NCKAP1: variants seen among roughly 807,000 people sequenced by gnomAD.
NCKAP1 encodes the protein NCK associated protein 1.
A neutral mutation model predicts 151.2 loss-of-function variants in NCKAP1; 21 were observed. The ratio of observed to expected loss-of-function variants is 0.14; its 90% CI spans 0.10 to 0.20. The LOEUF is 0.20. Among genes scored for constraint, NCKAP1 ranks in the 10% least tolerant of loss-of-function variants. NCKAP1 has a pLI of 1.00. For synonymous variants in NCKAP1, 484 were observed against 451.8 expected (o/e 1.07, Z -0.90); for missense variants, 933 against 1,352.1 (o/e 0.69, Z 4.86).
intron 23 of NCKAP1, among the ~76,000 whole-genome samples, chr2:182,946,036 T>A (rs1335760826): frequency 2.6e-5 from 4 of 152,154 alleles, no homozygotes; most frequent in Non-Finnish European, 5.9e-5. Flanking sequence ...GAGACCATTA[T>A]CCTAAGGGAA....
chr2:182,978,949 T>C (rs1235049243), intron 13 of NCKAP1, 34 bp from the exon 14 acceptor site: 1 of 1,495,482 alleles, frequency 6.7e-7, no homozygotes, highest in African/African-American at 1.4e-5. Flanking sequence ...GTTAAAAACA[T>C]CTATAGTTGG....
Position 183,002,162 on chromosome 2 carries a change from T to C in NCKAP1, c.477A>G (p.Leu159=). The change falls in exon 5 of 31, where the codon TTA becomes TTG. Residue 159 remains leucine, a synonymous_variant. Coordinates refer to ENST00000361354, the MANE Select transcript of NCKAP1 (RefSeq NM_013436.5). Reference sequence around the variant, plus strand: ...GAGTCATTTCATGGGCATAGTTGTATAATCCAATGATTGCCTTCCTTTCTT... The same window carrying C: ...GAGTCATTTCATGGGCATAGTTGTACAATCCAATGATTGCCTTCCTTTCTT... ...RIEERKAIIG[L]YNYAHEMTHG... 1 of 1,613,044 alleles carries C rather than the reference T, an allele frequency of 6.2e-7. No individual in the cohort carries two copies. The highest frequency in any genetic ancestry group is 8.5e-7 in the Non-Finnish European group (1 of 1,179,162).
At chr2:182,960,367 C>T (rs1178859133) in intron 18 of NCKAP1, among the ~76,000 whole-genome samples, 4 of 152,180 alleles carry the variant, frequency 2.6e-5, no homozygotes, top group Non-Finnish European at 4.4e-5. Context: ...CAGCATGGTA[C>T]TGGTACCAAA....
At chr2:182,937,409 G>A (rs912096101) in intron 24 of NCKAP1, among the ~76,000 whole-genome samples, 1 of 152,114 alleles carries the variant, frequency 6.6e-6, no homozygotes, top group Non-Finnish European at 1.5e-5. Context: ...AACTTCCCAA[G>A]GAACTAACTC....
intron 13 of NCKAP1, among the ~76,000 whole-genome samples, chr2:182,979,526 G>A (rs1473208143): frequency 1.3e-5 from 2 of 151,998 alleles, no homozygotes; most frequent in Non-Finnish European, 2.9e-5. Flanking sequence ...CTTACAAACA[G>A]TATAAATAAA....
At chr2:182,981,679 C>A (rs932277284) in intron 12 of NCKAP1, among the ~76,000 whole-genome samples, 1 of 151,852 alleles carries the variant, frequency 6.6e-6, no homozygotes, top group African/African-American at 2.4e-5. Context: ...GAGGCCAAAG[C>A]GGGCTGATCA....
At chr2:182,956,796 T>C (rs1697337255) in intron 19 of NCKAP1, 1 of 486,012 alleles carries the variant, frequency 2.1e-6, no homozygotes, top group Non-Finnish European at 3.5e-6. Context: ...CATTTGTTTC[T>C]ACCTTTAGGT....
rs556158085 is a variant in NCKAP1 at position 183,014,625 on chromosome 2, G to A, written c.219+9181C>T. ...TATTCTTGGCCAAGATGAGTACTAC[G>A]AAGAATAAAAGAAAGTAAGTACTCT... On this transcript the variant is annotated intron_variant, in intron 2 of 30. Coordinates refer to ENST00000361354, the MANE Select transcript of NCKAP1 (RefSeq NM_013436.5). 5.5e-4 allele frequency among the ~76,000 whole-genome samples: 84 copies of A among 152,180 alleles called. 2 individuals are homozygous for A. The South Asian group carries it at 0.014, about 26-fold the overall frequency.
chr2:182,929,508 C>A (rs963659819), intron 27 of NCKAP1, among the ~76,000 whole-genome samples: 1 of 151,848 alleles, frequency 6.6e-6, no homozygotes, highest in Non-Finnish European at 1.5e-5. Flanking sequence ...CCCAGCATTG[C>A]TCTAAAGCTT....
chr2:182,985,915 T>C (rs1213957340), intron 10 of NCKAP1, among the ~76,000 whole-genome samples: 1 of 152,300 alleles, frequency 6.6e-6, no homozygotes, highest in East Asian at 1.9e-4. Context: ...AGTGAGATTA[T>C]ACCCAAAGTA....
At chr2:182,936,985 C>G (rs142480956) in intron 24 of NCKAP1, among the ~76,000 whole-genome samples, 2 of 151,624 alleles carry the variant, frequency 1.3e-5, no homozygotes, top group Admixed American at 6.6e-5. Flanking sequence ...CCTGGTGGCA[C>G]GTGCTTGTAG....
At chr2:182,977,011 A>G in intron 14 of NCKAP1, 60 bp from the exon 15 acceptor site, 1 of 1,205,080 alleles carries the variant, frequency 8.3e-7, no homozygotes, top group South Asian at 1.6e-5. Context: ...ACAATCTATA[A>G]GCACATTTTA....
chr2:182,987,348 T>C (rs1698077421), intron 9 of NCKAP1, among the ~76,000 whole-genome samples: 1 of 152,196 alleles, frequency 6.6e-6, no homozygotes, highest in Non-Finnish European at 1.5e-5. Flanking sequence ...TTTGAGCAAA[T>C]TTCCAAAATA....
chr2:182,941,762 T>C (rs1423823935), intron 24 of NCKAP1, among the ~76,000 whole-genome samples: 1 of 152,204 alleles, frequency 6.6e-6, no homozygotes, highest in Non-Finnish European at 1.5e-5. Context: ...CTAATCCTTT[T>C]AGTCTAAATT....
At chr2:183,023,078 T>C (rs1037252403) in intron 2 of NCKAP1, 1 of 151,886 alleles carries the variant, frequency 6.6e-6, no homozygotes, top group Non-Finnish European at 1.5e-5. Flanking sequence ...GCAAAGATAG[T>C]AACAAGAAAA....
intron 13 of NCKAP1, among the ~76,000 whole-genome samples, chr2:182,979,397 C>T (rs892603018): frequency 6.6e-6 from 1 of 151,906 alleles, no homozygotes; most frequent in Non-Finnish European, 1.5e-5. Flanking sequence ...GTATGTTAGG[C>T]CTCAACAAAA....
intron 9 of NCKAP1, among the ~76,000 whole-genome samples, chr2:182,987,371 AATC>A (rs1287664602): frequency 2.0e-5 from 3 of 152,304 alleles, no homozygotes; most frequent in African/African-American, 7.2e-5. Flanking sequence ...ATAATTCTGT[AATC>A]ATCACCCTCT....
intron 2 of NCKAP1, among the ~76,000 whole-genome samples, chr2:183,004,217 A>T (rs548926050): frequency 3.0e-4 from 46 of 151,052 alleles, no homozygotes; most frequent in African/African-American, 1.1e-3. Flanking sequence ...GGTGTTGTAA[A>T]CACACATTAA....
At chr2:183,007,750 T>A (rs1698507225) in intron 2 of NCKAP1, among the ~76,000 whole-genome samples, 2 of 152,178 alleles carry the variant, frequency 1.3e-5, no homozygotes, top group Non-Finnish European at 2.9e-5. Context: ...CTGCTCAAAG[T>A]AAGAGTGCAC....
Sources: gnomAD v4.1 joint callset for allele counts (sites outside exome capture counted in the v4.1 genomes callset) on GRCh38, gnomAD v4.1.1 for gene constraint, MANE v1.5 for transcripts, NCBI Gene and HGNC (gene_info 2026-07-23, HGNC 2026-07-21) for gene names.